Variants in HSD17B3 observed in about 807,000 individuals in gnomAD.
HSD17B3 encodes hydroxysteroid 17-beta dehydrogenase 3, also known as 17-beta-hydroxysteroid dehydrogenase type 3.
A neutral mutation model predicts 41.1 loss-of-function variants in HSD17B3; 29 were observed. The observed-to-expected ratio is 0.71, with a 90% CI of 0.53 to 0.96. The LOEUF (loss-of-function observed/expected upper bound fraction) is 0.96. Ranked by LOEUF, HSD17B3 falls within the 40% of genes least tolerant of loss-of-function variation. The pLI is 0.00. For synonymous variants in HSD17B3, 126 were observed against 145.6 expected, an observed-to-expected ratio of 0.87 and a Z score of 0.97; for missense variants, 323 against 374.6, an observed-to-expected ratio of 0.86 and a Z score of 1.14.
chr9:96,272,729 TAA>T (rs924352077), intron 2 of HSD17B3, among the ~76,000 whole-genome samples: 7 of 151,428 alleles, frequency 4.6e-5, no homozygotes, highest in African/African-American at 1.7e-4. Context: ...CCCAGAAAAA[TAA>T]AGACTTATGT....
intron 2 of HSD17B3, among the ~76,000 whole-genome samples, chr9:96,258,414 T>C (rs1291314051): frequency 6.6e-6 from 1 of 152,234 alleles, no homozygotes; most frequent in East Asian, 1.9e-4. Context: ...TGCTCAATTC[T>C]CATGTGTGCC....
chr9:96,300,250 A>ACACG (rs1554705310), intron 1 of HSD17B3, among the ~76,000 whole-genome samples: 16 of 151,236 alleles, frequency 1.1e-4, no homozygotes, highest in African/African-American at 3.4e-4. Context: ...ACACACACAC[A>ACACG]CACGCACACA....
At chr9:96,250,880 T>C (rs942345189) in intron 5 of HSD17B3, among the ~76,000 whole-genome samples, 1 of 131,638 alleles carries the variant, frequency 7.6e-6, no homozygotes, top group Non-Finnish European at 1.6e-5. Flanking sequence ...AGAGGGAGAC[T>C]CCATCTCAAA....
At chr9:96,251,237 G>A (rs1399376073) in intron 5 of HSD17B3, 181 bp downstream of exon 5, 1 of 611,644 alleles carries the variant, frequency 1.6e-6, no homozygotes, top group African/African-American at 1.8e-5. Flanking sequence ...CGTGAAAAGT[G>A]GTACTCTTGA....
chr9:96,251,902 A>AT (rs1488106032), intron 4 of HSD17B3, among the ~76,000 whole-genome samples: 3 of 152,084 alleles, frequency 2.0e-5, no homozygotes, highest in African/African-American at 7.2e-5. Flanking sequence ...ATTCTTTCCA[A>AT]TTTTTCTGCA....
At chr9:96,300,248 A>ACG (rs1242109705) in intron 1 of HSD17B3, among the ~76,000 whole-genome samples, 15 of 150,860 alleles carry the variant, frequency 9.9e-5, no homozygotes, top group African/African-American at 3.7e-4. Context: ...ACACACACAC[A>ACG]CACACGCACA....
At chr9:96,240,713 T>A (rs771928369) in intron 10 of HSD17B3, 45 bp downstream of exon 10, 2 of 1,608,380 alleles carry the variant, frequency 1.2e-6, no homozygotes, top group Admixed American at 3.3e-5. Flanking sequence ...GCCACCTGCG[T>A]GTCCTCCCTC....
chr9:96,258,381 T>C (rs1825743610), intron 2 of HSD17B3, among the ~76,000 whole-genome samples: 2 of 152,256 alleles, frequency 1.3e-5, no homozygotes, highest in African/African-American at 4.8e-5. Flanking sequence ...TAATTCCTAA[T>C]TTAAAATGTT....
At chr9:96,245,452 C>T in intron 7 of HSD17B3, 26 bp from the exon 8 acceptor site, 1 of 1,585,434 alleles carries the variant, frequency 6.3e-7, no homozygotes, top group Non-Finnish European at 8.7e-7. Flanking sequence ...GCAAAGTTCC[C>T]ATGGCTTTGT....
intron 2 of HSD17B3, among the ~76,000 whole-genome samples, chr9:96,272,939 G>C (rs919337144): frequency 6.6e-6 from 1 of 152,116 alleles, no homozygotes; most frequent in Non-Finnish European, 1.5e-5. Flanking sequence ...AATTATGCTA[G>C]GTGGGGGAAA....
intron 2 of HSD17B3, among the ~76,000 whole-genome samples, chr9:96,270,880 T>C (rs1826213481): frequency 7.0e-6 from 1 of 142,206 alleles, no homozygotes; most frequent in South Asian, 2.3e-4. Context: ...TTTACACATA[T>C]CAGAGTGACA....
At chr9:96,250,363 A>G in intron 5 of HSD17B3, 2 of 1,073,944 alleles carry the variant, frequency 1.9e-6, no homozygotes, top group Non-Finnish European at 2.3e-6. Flanking sequence ...CAGAGCCCAC[A>G]CAGGAGATGT....
intron 2 of HSD17B3, among the ~76,000 whole-genome samples, chr9:96,278,821 G>T (rs1356038995): frequency 1.3e-5 from 2 of 152,142 alleles, no homozygotes; most frequent in African/African-American, 2.4e-5. Context: ...GCCAGCAGAT[G>T]GTGCCTTACA....
intron 2 of HSD17B3, among the ~76,000 whole-genome samples, chr9:96,270,972 T>C (rs1826225147): frequency 6.6e-6 from 1 of 150,684 alleles, no homozygotes. Flanking sequence ...GGGTTAAGAT[T>C]GATATTATCA....
intron 10 of HSD17B3, among the ~76,000 whole-genome samples, chr9:96,237,554 A>G (rs1466909499): frequency 3.3e-5 from 5 of 152,172 alleles, no homozygotes; most frequent in East Asian, 1.9e-4. Context: ...TCCCAGCCCC[A>G]TGCTCCCTGT....
chr9:96,288,171 T>C (rs1208607238), intron 2 of HSD17B3, among the ~76,000 whole-genome samples: 3 of 152,138 alleles, frequency 2.0e-5, no homozygotes, highest in African/African-American at 7.2e-5. Flanking sequence ...CTTACTCGAG[T>C]GATGGAAATG....
intron 5 of HSD17B3, among the ~76,000 whole-genome samples, chr9:96,250,680 C>A (rs1219839038): frequency 1.5e-4 from 23 of 151,898 alleles, no homozygotes; most frequent in African/African-American, 5.1e-4. Context: ...TGAGGTCAGG[C>A]GTTCGAGACC....
chr9:96,236,249 G>C (rs2256618), intron 10 of HSD17B3, among the ~76,000 whole-genome samples: 58,464 of 150,608 alleles, frequency 0.39, 12,297 homozygotes, highest in African/African-American at 0.56. Context: ...AGGCATGGTG[G>C]CTCACACCTG....
intron 2 of HSD17B3, among the ~76,000 whole-genome samples, chr9:96,283,691 G>C (rs1826795651): frequency 6.6e-6 from 1 of 151,802 alleles, no homozygotes; most frequent in Admixed American, 6.6e-5. Context: ...TTTTACTGTG[G>C]CTGTCCTAAA....
Sources: allele counts gnomAD v4.1 joint callset (sites outside exome capture counted in the v4.1 genomes callset), GRCh38; gene constraint gnomAD v4.1.1; transcripts MANE v1.5; gene names NCBI Gene and HGNC (gene_info 2026-07-23, HGNC 2026-07-21).